Variants in PRR5 observed in about 807,000 individuals in gnomAD.
PRR5 encodes proline-rich protein 5.
In PRR5, 25 loss-of-function variants were observed where a neutral mutation model predicts 30.6. That is an observed-to-expected ratio of 0.82 (90% CI 0.60 to 1.14). The LOEUF (loss-of-function observed/expected upper bound fraction) is 1.14, where lower values mean the gene tolerates loss of function less well. Ranked by LOEUF, PRR5 falls within the 50% of genes most tolerant of loss-of-function variation. The pLI, the probability that PRR5 is intolerant of heterozygous loss-of-function variation, is 0.00. For missense variants in PRR5, 600 were observed against 547.1 expected (o/e 1.10, Z -0.96); for synonymous variants, 286 against 247.1 (o/e 1.16, Z -1.48).
intron 1 of PRR5, among the ~76,000 whole-genome samples, chr22:44,680,918 C>T (rs571878044): frequency 6.6e-6 from 1 of 152,334 alleles, no homozygotes; most frequent in Non-Finnish European, 1.5e-5. Flanking sequence ...GGGACCCGGA[C>T]AGAGCAGGGT....
upstream of PRR5, among the ~76,000 whole-genome samples, chr22:44,699,834 G>A (rs1055902818): frequency 2.6e-5 from 4 of 152,248 alleles, no homozygotes; most frequent in East Asian, 3.8e-4. Flanking sequence ...AGGCCCCTCC[G>A]AGGAGTCAAG....
At chr22:44,718,704 T>C (rs1015563532) in intron 2 of PRR5, among the ~76,000 whole-genome samples, 2 of 152,220 alleles carry the variant, frequency 1.3e-5, no homozygotes, top group Non-Finnish European at 2.9e-5. Context: ...TTCCGAGAAG[T>C]GGCATCTGTT....
chr22:44,685,217 G>A (rs999054666), intron 1 of PRR5, among the ~76,000 whole-genome samples: 1 of 152,160 alleles, frequency 6.6e-6, no homozygotes, highest in Non-Finnish European at 1.5e-5. Flanking sequence ...CTCCGTGAGT[G>A]AGCATGTGTC....
In PRR5 at chr22:44,712,734, C is replaced by T. The variant is rs1928449670; in HGVS notation, c.135-1857C>T. On this transcript the variant is annotated intron_variant, in intron 1 of 7. Coordinates refer to ENST00000336985, the MANE Select transcript of PRR5 (RefSeq NM_181333.4). ...GCATCGTGTGGACAGCTGTCCCCTC[C>T]AAGGTGAGAAGTGTGGTGCTGGTCT... Among the ~76,000 whole-genome samples the T allele has an allele frequency of 2.0e-5, 3 of 152,190 alleles. No homozygotes were observed. In the South Asian group the frequency reaches 6.2e-4, roughly 31 times the overall value.
rs202067777 is a variant in PRR5, at chr22:44,734,987, G to A, written c.556-40G>A. 30 of 1,589,220 alleles carry A rather than the reference G, an allele frequency of 1.9e-5. No homozygotes were observed. In the Admixed American group the frequency reaches 2.2e-4, roughly 12 times the overall value. ...TTGAGAGCCTGGAGCCACCAAGCTCGGGTGCATGACCCCCTACCCCCTGCC... is the reference window on the plus strand; with the variant it reads ...TTGAGAGCCTGGAGCCACCAAGCTCAGGTGCATGACCCCCTACCCCCTGCC... On this transcript the variant is annotated intron_variant, in intron 6 of 7. Transcript: ENST00000336985.
rs748228566 is a variant in PRR5, at chr22:44,677,472, T to A, written c.-11+232T>A. On this transcript the variant is annotated intron_variant, in intron 1 of 8. Transcript: ENST00000006251. ...TGTGACACAGTGCTGTGACTTTGGG[T>A]TTGTGCTTTCGATTTTTAGAGTAGC... 1.2e-4 allele frequency among the ~76,000 whole-genome samples: 19 copies of A among 152,168 alleles called. 1 individual carries two copies. The highest frequency in any genetic ancestry group is 7.2e-4 in the Admixed American group (11 of 15,278).
chr22:44,723,284 A>C (rs1226517646), intron 2 of PRR5, among the ~76,000 whole-genome samples: 3 of 152,072 alleles, frequency 2.0e-5, no homozygotes, highest in African/African-American at 7.2e-5. Flanking sequence ...ACACCTGGCC[A>C]AAGCTTGTCA....
At chr22:44,684,181 T>C (rs1416364990) in intron 1 of PRR5, among the ~76,000 whole-genome samples, 1 of 152,164 alleles carries the variant, frequency 6.6e-6, no homozygotes, top group Non-Finnish European at 1.5e-5. Context: ...CCACAGAGCC[T>C]GAGCTGTGAG....
rs1923433017 is a variant in PRR5, at chr22:44,737,127, G to A, written c.1047G>A (p.Val349=). 6 of 1,612,536 alleles carry A rather than the reference G, an allele frequency of 3.7e-6. No homozygotes were observed. Among genetic ancestry groups the A allele is most frequent in the Non-Finnish European group, 5.1e-6 (6 of 1,180,000 alleles). ...SLPRSSPENL[V]DQILESVDSD... ...CCCGCTCCAGCCCGGAGAACCTGGT[G>A]GACCAGATCCTGGAGTCCGTGGACT... The change falls in exon 8 of 8, where the codon GTG becomes GTA. Residue 349 remains valine (V), a synonymous_variant. Coordinates refer to ENST00000336985, the MANE Select transcript of PRR5 (RefSeq NM_181333.4).
intron 4 of PRR5, chr22:44,730,597 G>A (rs73173645): frequency 0.014 from 13,643 of 991,980 alleles, 124 homozygotes; most frequent in Non-Finnish European, 0.015. Flanking sequence ...TGCTACCTAC[G>A]TATCTGTTTC....
At chr22:44,686,037 CT>C (rs1924719518) in intron 1 of PRR5, among the ~76,000 whole-genome samples, 1 of 152,106 alleles carries the variant, frequency 6.6e-6, no homozygotes, top group Non-Finnish European at 1.5e-5. Flanking sequence ...GGCAAATCCC[CT>C]GAGGTCAGGA....
intron 4 of PRR5, chr22:44,731,084 G>A (rs1921869812): frequency 6.8e-6 from 2 of 294,634 alleles, no homozygotes; most frequent in African/African-American, 4.5e-5. Context: ...GAAATCAACT[G>A]CTTAGCCGGG....
intron 1 of PRR5, among the ~76,000 whole-genome samples, chr22:44,697,101 G>GA (rs1374344032): frequency 1.3e-5 from 2 of 152,170 alleles, no homozygotes; most frequent in African/African-American, 4.8e-5. Context: ...TGGTAGCAGG[G>GA]ACCATGTCTT....
chr22:44,730,969 TG>T, intron 4 of PRR5: 1 of 445,166 alleles, frequency 2.2e-6, no homozygotes, highest in South Asian at 1.8e-5. Flanking sequence ...GGGGCTCAGC[TG>T]GGTCCCCAGT....
chr22:44,725,997 C>T (rs1229659596), intron 3 of PRR5, among the ~76,000 whole-genome samples: 2 of 152,202 alleles, frequency 1.3e-5, no homozygotes, highest in Non-Finnish European at 2.9e-5. Flanking sequence ...TGGCATAACA[C>T]GGCCTGCGGA....
chr22:44,702,133 C>G, upstream of PRR5: 1 of 267,350 alleles, frequency 3.7e-6, no homozygotes, highest in Non-Finnish European at 6.0e-6. Context: ...CGCGATGCCC[C>G]CGCCCCCTTC....
Position 44,736,769 on chromosome 22 carries a change from C to G in PRR5, c.692-3C>G. ...GTGTGACAGTGCCCGTGTCTCTCCCCAGAAAAGCGCCTCCTCCGCCGCTCC... is the reference window on the plus strand; with the variant it reads ...GTGTGACAGTGCCCGTGTCTCTCCCGAGAAAAGCGCCTCCTCCGCCGCTCC... On this transcript the variant is annotated splice_polypyrimidine_tract_variant and splice_region_variant and intron_variant, in intron 7 of 7. Coordinates refer to ENST00000336985, the MANE Select transcript of PRR5 (RefSeq NM_181333.4). 1 of 1,535,692 alleles carries G rather than the reference C, an allele frequency of 6.5e-7. No homozygotes were observed. Among genetic ancestry groups the G allele is most frequent in the Non-Finnish European group, 8.8e-7 (1 of 1,137,902 alleles).
chr22:44,714,837 G>A (rs999919450), intron 2 of PRR5, among the ~76,000 whole-genome samples, 166 bp downstream of exon 2: 2 of 152,206 alleles, frequency 1.3e-5, no homozygotes, highest in Non-Finnish European at 2.9e-5. Flanking sequence ...CAGTGGCCAT[G>A]GGGCCAGGAC....
chr22:44,717,758 C>G (rs966337912), intron 2 of PRR5, among the ~76,000 whole-genome samples: 2 of 151,368 alleles, frequency 1.3e-5, no homozygotes, highest in African/African-American at 4.9e-5. Flanking sequence ...CTCTTGTTGC[C>G]CAGGCTAGAG....
Sources: gnomAD v4.1 joint callset for allele counts (sites outside exome capture counted in the v4.1 genomes callset) on GRCh38, gnomAD v4.1.1 for gene constraint, MANE v1.5 for transcripts, NCBI Gene and HGNC (gene_info 2026-07-23, HGNC 2026-07-21) for gene names.